Variants in PMS2 observed in about 807,000 individuals in gnomAD.
The protein encoded by PMS2 is mismatch repair endonuclease PMS2.
PMS2 carries 69 observed loss-of-function variants against 90.0 expected under a neutral mutation model. The observed-to-expected ratio is 0.77, with a 90% CI of 0.63 to 0.94. PMS2 has a LOEUF of 0.94. Ranked by LOEUF, PMS2 falls within the 40% of genes least tolerant of loss-of-function variation. The pLI is 0.00. For synonymous variants in PMS2, 332 were observed against 375.1 expected (o/e 0.89, Z 1.33); for missense variants, 966 against 1,040.2 (o/e 0.93, Z 0.98).
At chr7:6,004,367 C>T (rs894059605) in intron 2 of PMS2, 7 of 251,546 alleles carry the variant, frequency 2.8e-5, no homozygotes, top group South Asian at 1.1e-4. Context: ...CTGTAAACCG[C>T]GTTGCACTTT....
intron 2 of PMS2, among the ~76,000 whole-genome samples, chr7:6,004,569 G>T (rs1785499637): frequency 6.6e-6 from 1 of 152,048 alleles, no homozygotes; most frequent in Non-Finnish European, 1.5e-5. Context: ...TACAAAATTA[G>T]CCAGGCTTGG....
chr7:6,001,433 T>C (rs2128811036), intron 5 of PMS2, among the ~76,000 whole-genome samples: 1 of 151,764 alleles, frequency 6.6e-6, no homozygotes, highest in Admixed American at 6.6e-5. Flanking sequence ...TGCAATAGCT[T>C]GATCTCGGCT....
intron 1 of PMS2, 86 bp downstream of exon 1, chr7:6,008,911 C>T (rs2128864731): frequency 1.3e-6 from 2 of 1,510,884 alleles, no homozygotes; most frequent in Non-Finnish European, 1.8e-6. Context: ...GGCCATGTTC[C>T]CCCCATTTCC....
intron 5 of PMS2, among the ~76,000 whole-genome samples, chr7:6,001,104 G>A (rs1254368172): frequency 2.0e-5 from 3 of 152,278 alleles, no homozygotes; most frequent in East Asian, 3.9e-4. Flanking sequence ...TACAAAATGG[G>A]AAGGCACAAA....
chr7:5,997,247 C>T (rs977300523), intron 7 of PMS2, 79 bp downstream of exon 7: 13 of 757,930 alleles, frequency 1.7e-5, no homozygotes, highest in Admixed American at 6.7e-5. Flanking sequence ...AACTATTAGC[C>T]TTAGAATCAC....
At chr7:6,003,933 C>T (rs2128828906) in intron 3 of PMS2, 39 bp downstream of exon 3, 1 of 1,396,860 alleles carries the variant, frequency 7.2e-7, no homozygotes, top group Non-Finnish European at 1.0e-6. Flanking sequence ...GACATGTGAC[C>T]CAATTATTTT....
intron 10 of PMS2, among the ~76,000 whole-genome samples, chr7:5,988,332 C>T (rs916738765): frequency 6.6e-6 from 1 of 151,974 alleles, no homozygotes; most frequent in Non-Finnish European, 1.5e-5. Flanking sequence ...TAATCCTAGC[C>T]CTTTGAGGTC....
intron 9 of PMS2, among the ~76,000 whole-genome samples, 179 bp downstream of exon 9, chr7:5,991,794 A>G (rs1315423693): frequency 1.3e-5 from 2 of 152,026 alleles, no homozygotes; most frequent in East Asian, 1.9e-4. Context: ...AGCCGAGATC[A>G]CGCCACCACA....
chr7:5,996,574 A>G (rs1784411898), intron 7 of PMS2, among the ~76,000 whole-genome samples: 1 of 75,668 alleles, frequency 1.3e-5, no homozygotes, highest in African/African-American at 6.6e-5. Context: ...TCCATCTCAA[A>G]GCTAAAAAAA....
Position 5,983,490 on chromosome 7 carries a change from G to A in PMS2, c.2007-499C>T, listed in dbSNP as rs938464105. Among the ~76,000 whole-genome samples, 18 of 151,566 alleles carry A rather than the reference G, an allele frequency of 1.2e-4. 1 individual carries two copies. The highest frequency in any genetic ancestry group is 9.2e-4 in the Admixed American group (14 of 15,234). ...GAAGACATCAGTTGCTACTATTAACGATTTAAATGGAATATATCCTTCTAG... is the reference window on the plus strand; with the variant it reads ...GAAGACATCAGTTGCTACTATTAACAATTTAAATGGAATATATCCTTCTAG... On this transcript the variant is annotated intron_variant, in intron 11 of 14. Coordinates refer to ENST00000265849, the MANE Select transcript of PMS2 (RefSeq NM_000535.7).
chr7:5,994,132 C>T (rs997164406), intron 8 of PMS2, among the ~76,000 whole-genome samples: 9 of 151,974 alleles, frequency 5.9e-5, no homozygotes, highest in African/African-American at 1.7e-4. Context: ...CCTGTAATCC[C>T]AGCACTTCGG....
rs1271998409 is a variant in PMS2 at position 5,977,443 on chromosome 7, G to A, written c.2445+145C>T. 6.6e-6 allele frequency: 5 copies of A among 755,200 alleles called. 1 individual carries two copies. The highest frequency in any genetic ancestry group is 4.7e-5 in the South Asian group (3 of 64,492). 46.8% of individuals were successfully genotyped at this position (755,200 alleles called of 1,614,324 possible). A position where few individuals can be genotyped will look rare whatever the true frequency, so the allele number is the denominator to read the frequency against. On this transcript the variant is annotated intron_variant, in intron 14 of 14. Coordinates refer to ENST00000265849, the MANE Select transcript of PMS2 (RefSeq NM_000535.7). ...GCAGACGACACAGATGCTCAGCTAC[G>A]ACGCTGCACGTAGCTCTCTGTGTAA...
chr7:5,991,333 G>C (rs1487949060), intron 9 of PMS2, among the ~76,000 whole-genome samples: 1 of 151,668 alleles, frequency 6.6e-6, no homozygotes, highest in Non-Finnish European at 1.5e-5. Flanking sequence ...ATGTACATAT[G>C]TGTTTCTAAG....
At chr7:5,994,414 C>T (rs1393390908) in intron 8 of PMS2, among the ~76,000 whole-genome samples, 1 of 151,602 alleles carries the variant, frequency 6.6e-6, no homozygotes, top group Admixed American at 6.6e-5. Context: ...ACAAAAAAAA[C>T]TGTACACAGA....
At chr7:5,986,051 G>A (rs1284765936) in intron 11 of PMS2, among the ~76,000 whole-genome samples, 1 of 132,056 alleles carries the variant, frequency 7.6e-6, no homozygotes, top group East Asian at 2.6e-4. Flanking sequence ...ACCTCCCCTG[G>A]CGCCGATCCC....
intron 12 of PMS2, among the ~76,000 whole-genome samples, 196 bp downstream of exon 12, chr7:5,982,628 C>T (rs1035561449): frequency 3.5e-4 from 54 of 152,130 alleles, no homozygotes; most frequent in African/African-American, 6.8e-4. Context: ...TGAGGCACCG[C>T]GCCTGGCCAA....
chr7:5,990,776 G>A (rs1212835019), intron 9 of PMS2, among the ~76,000 whole-genome samples: 1 of 152,148 alleles, frequency 6.6e-6, no homozygotes, highest in African/African-American at 2.4e-5. Flanking sequence ...CACTTTGGGA[G>A]GCTGAGACGA....
intron 9 of PMS2, among the ~76,000 whole-genome samples, chr7:5,990,567 C>G (rs994807425): frequency 6.6e-6 from 1 of 151,764 alleles, no homozygotes; most frequent in Admixed American, 6.6e-5. Context: ...TATTTTAATC[C>G]CCTACTGAAT....
Position 5,999,198 on chromosome 7 carries a change from C to A in PMS2, c.615G>T (p.Gln205His), listed in dbSNP as rs752499497. ...SAGIRVSCTN[Q>H]LGQGKRQPVV... is the part of the protein sequence containing the mutation. Reference sequence around the variant, plus strand: ...CAGGCTGTCGTTTTCCTTGTCCAAGCTGATTGGTGCAACTTACACGGATGC... The same window carrying A: ...CAGGCTGTCGTTTTCCTTGTCCAAGATGATTGGTGCAACTTACACGGATGC... The change falls in exon 6 of 15, where the codon CAG becomes CAT. Residue 205 changes from glutamine (Q) to histidine (H), a missense_variant. By Grantham distance (24) the Gln-to-His change is conservative. This residue lies in a region of PMS2 where 871 missense variants were observed against 802.4 expected (regional missense o/e 1.09). Transcript: ENST00000265849. 16 of 1,613,914 alleles carry A rather than the reference C, an allele frequency of 9.9e-6. No individual in the cohort carries two copies. The highest frequency in any genetic ancestry group is 7.7e-5 in the South Asian group (7 of 91,086).
Sources: allele counts gnomAD v4.1 joint callset (sites outside exome capture counted in the v4.1 genomes callset), GRCh38; gene constraint gnomAD v4.1.1; regional missense constraint gnomAD v4.1.1; transcripts MANE v1.5; gene names NCBI Gene and HGNC (gene_info 2026-07-23, HGNC 2026-07-21).